Variants in RARS1 observed in about 807,000 individuals in gnomAD.
RARS1 encodes arginyl-tRNA synthetase 1.
Under a neutral mutation model 78.7 loss-of-function variants are expected in RARS1, and 75 were observed. That is an observed-to-expected ratio of 0.95 (90% CI 0.79 to 1.15). RARS1 has a LOEUF of 1.15. Among genes scored for constraint, RARS1 ranks in the 50% most tolerant of loss-of-function variants. The pLI is 0.00. For synonymous variants in RARS1, 273 were observed against 268.2 expected, an observed-to-expected ratio of 1.02 and a Z score of -0.18; for missense variants, 787 against 787.5, an observed-to-expected ratio of 1.00 and a Z score of 0.01.
rs116570152 is a variant in RARS1 at position 168,508,291 on chromosome 5, T to G, written c.1346+1460T>G. ...TTTTCTGCACTCAGCAGCATGTAGT[T>G]ATAGTATCCTATCCCACCCGCCTTT... On this transcript the variant is annotated intron_variant, in intron 11 of 14. Coordinates refer to ENST00000231572, the MANE Select transcript of RARS1 (RefSeq NM_002887.4). Among the ~76,000 whole-genome samples the G allele has an allele frequency of 5.1e-3, 778 of 152,144 alleles. 8 individuals are homozygous for G. The highest frequency in any genetic ancestry group is 0.018 in the African/African-American group (736 of 41,530).
chr5:168,500,618 G>A lies in RARS1; in HGVS notation c.850G>A (p.Glu284Lys), dbSNP rs377368975. The change falls in exon 8 of 15, where the codon GAG (glutamate) becomes AAG (lysine). Residue 284 changes from glutamate (E) to lysine (K), a missense_variant. Coordinates refer to ENST00000231572, the MANE Select transcript of RARS1 (RefSeq NM_002887.4). ...ATCTAAGAAGAGGTTTGATACTGAG[G>A]AGGAATTTAAGAAGCGAGCATATCA... ...KESKKRFDTEEEFKKRAYQCV... is the reference protein window; with the variant it reads ...KESKKRFDTEKEFKKRAYQCV... 9.4e-6 allele frequency: 15 copies of A among 1,591,540 alleles called. No individual in the cohort carries two copies. The highest frequency in any genetic ancestry group is 1.4e-5 in the African/African-American group (1 of 73,494).
In RARS1 at chr5:168,519,065, T is replaced by A; in HGVS notation, c.1874-16T>A. On this transcript the variant is annotated splice_polypyrimidine_tract_variant and intron_variant, in intron 14 of 14. Transcript: ENST00000231572. ...AGGAAAACAAGTTAATTAACAACTT[T>A]TTTCTATCTTTTCAGGAAAAATATT... is the stretch of plus-strand genomic sequence containing the variant. The A allele has an allele frequency of 6.3e-7, 1 of 1,590,890 alleles. No individual in the cohort carries two copies. Among genetic ancestry groups the A allele is most frequent in the East Asian group, 2.2e-5 (1 of 44,642 alleles).
chr5:168,513,653 A>G (rs922043406), intron 12 of RARS1, among the ~76,000 whole-genome samples: 15 of 152,128 alleles, frequency 9.9e-5, no homozygotes, highest in African/African-American at 3.6e-4. Flanking sequence ...GGTCATCTAG[A>G]TAATCTTCTC....
chr5:168,492,998 G>A (rs952411303), intron 3 of RARS1, 151 bp downstream of exon 3: 52 of 729,578 alleles, frequency 7.1e-5, no homozygotes, highest in Non-Finnish European at 9.0e-5. Flanking sequence ...AGTTGGGGGG[G>A]TATATGTTTT....
Position 168,516,655 on chromosome 5 carries a change from T to G in RARS1, c.1453-123T>G. 3.4e-6 allele frequency: 3 copies of G among 890,886 alleles called. No homozygotes were observed. In the East Asian group the frequency reaches 7.4e-5, roughly 22 times the overall value. The allele number at this position is 890,886 out of a possible 1,614,324, so 55.2% of individuals were successfully genotyped here. A position where few individuals can be genotyped will look rare whatever the true frequency, so the allele number is the denominator to read the frequency against. ...GTCCTTCTGCCTCAGTGTCAGTGTT[T>G]ATTAAAGTTTATTGGTAAAAGAATA... On this transcript the variant is annotated intron_variant, in intron 12 of 14. Transcript: ENST00000231572.
At chr5:168,494,326 T>TG in intron 4 of RARS1, 2 of 985,366 alleles carry the variant, frequency 2.0e-6, no homozygotes, top group Non-Finnish European at 2.4e-6. Context: ...TTGCTGAAAG[T>TG]GAAAGGGCCC....
chr5:168,497,413 T>C (rs1758220181), intron 7 of RARS1, 65 bp downstream of exon 7: 23 of 1,310,282 alleles, frequency 1.8e-5, no homozygotes, highest in Non-Finnish European at 2.3e-5. Flanking sequence ...CCATTTTCCT[T>C]AGGAAACTTA....
At chr5:168,488,493 C>T in intron 1 of RARS1, 109 bp from the exon 2 acceptor site, 1 of 1,197,632 alleles carries the variant, frequency 8.3e-7, no homozygotes, top group Non-Finnish European at 1.2e-6. Context: ...AGAAACACAG[C>T]TCATCAAAGG....
intron 11 of RARS1, among the ~76,000 whole-genome samples, chr5:168,509,589 G>T (rs986316559): frequency 2.0e-5 from 3 of 151,728 alleles, no homozygotes; most frequent in African/African-American, 7.3e-5. Context: ...TGCCATATCC[G>T]TAGTGATTCT....
chr5:168,518,050 G>A lies in RARS1; in HGVS notation c.1861G>A (p.Asp621Asn). The part of the protein sequence containing the change: ...FYDSCYCVEK[D>N]RQTGKILKVN... ...TGATAGCTGCTACTGTGTGGAGAAA[G>A]ATAGACAGACTGGTGAGTGTCTTTT... Residue 621 changes from aspartate (D) to asparagine (N), a missense_variant, in exon 14 of 15, where the codon GAT (aspartate) becomes AAT (asparagine). Asp to Asn is a conservative substitution (Grantham distance 23). Transcript: ENST00000231572. 1.2e-6 allele frequency: 1 copy of A among 841,900 alleles called. No homozygotes were observed. The highest frequency in any genetic ancestry group is 4.7e-5 in the East Asian group (1 of 21,420). 52.2% of individuals were successfully genotyped at this position (841,900 alleles called of 1,614,324 possible).
intron 9 of RARS1, among the ~76,000 whole-genome samples, chr5:168,503,068 T>A (rs1185016953): frequency 6.6e-6 from 1 of 152,258 alleles, no homozygotes; most frequent in Admixed American, 6.5e-5. Context: ...TATGTTTTAT[T>A]CCTTTTTTTG....
chr5:168,504,519 C>T (rs1758396246), intron 9 of RARS1, among the ~76,000 whole-genome samples: 2 of 122,738 alleles, frequency 1.6e-5, no homozygotes, highest in Non-Finnish European at 3.4e-5. Flanking sequence ...AAGATTCTGT[C>T]TCAAAAAAAA....
chr5:168,512,510 GAACT>G (rs1377544071), intron 12 of RARS1, among the ~76,000 whole-genome samples: 2 of 152,134 alleles, frequency 1.3e-5, no homozygotes, highest in Non-Finnish European at 2.9e-5. Flanking sequence ...TAGAGGGACA[GAACT>G]AATAGGATAG....
intron 10 of RARS1, 136 bp from the exon 11 acceptor site, chr5:168,506,586 G>T (rs1387740727): frequency 1.6e-5 from 10 of 639,940 alleles, no homozygotes; most frequent in Non-Finnish European, 2.7e-5. Flanking sequence ...AAAAGAAGAG[G>T]TTTTATAATA....
At position 168,497,238 on chromosome 5, in the gene RARS1, G is replaced by A. The variant is rs1299569353; in HGVS notation, c.712G>A (p.Val238Ile). The A allele has an allele frequency of 6.4e-7, 1 of 1,560,276 alleles. No individual in the cohort carries two copies. The highest frequency in any genetic ancestry group is 8.7e-7 in the Non-Finnish European group (1 of 1,151,698). Residue 238 changes from valine (V) to isoleucine (I), a missense_variant, in exon 7 of 15, where the codon GTA (valine) becomes ATA (isoleucine). Transcript: ENST00000231572. ...AGYDVLRLNH[V>I]GDWGTQFGML... ...TCTGATTGGTGTTAGGTTAAATCAT[G>A]TAGGAGACTGGGGGACCCAGTTTGG...
intron 11 of RARS1, among the ~76,000 whole-genome samples, chr5:168,507,877 C>CA (rs1195791208): frequency 0.057 from 5,508 of 97,074 alleles, 301 homozygotes; most frequent in African/African-American, 0.18. Flanking sequence ...CCATATCTGC[C>CA]AAAAAAAAAA....
At chr5:168,493,633 CAAAAAAAAA>C (rs35001933) in intron 3 of RARS1, among the ~76,000 whole-genome samples, 1 of 78,242 alleles carries the variant, frequency 1.3e-5, no homozygotes, top group Non-Finnish European at 2.5e-5. Context: ...GACTCCATCT[CAAAAAAAAA>C]AAAAAAAAAA....
In RARS1 at chr5:168,495,378, A is replaced by T. The variant is rs756582430; in HGVS notation, c.643A>T (p.Thr215Ser). 1 of 1,614,076 alleles carries T rather than the reference A, an allele frequency of 6.2e-7. No individual in the cohort carries two copies. ...KEMHVGHLRS[T>S]IIGESISRLF... ...GATGCATGTAGGCCACCTGAGGTCA[A>T]CTATCATAGGAGAGAGTATAAGCCG... is the stretch of plus-strand genomic sequence containing the variant. Residue 215 changes from threonine (T) to serine (S), a missense_variant, in exon 6 of 15, where the codon ACT becomes TCT. Coordinates refer to ENST00000231572, the MANE Select transcript of RARS1 (RefSeq NM_002887.4).
intron 7 of RARS1, among the ~76,000 whole-genome samples, chr5:168,499,708 TA>T (rs11345301): frequency 0.13 from 19,926 of 148,134 alleles, 1,731 homozygotes; most frequent in Non-Finnish European, 0.2. Context: ...CAAACCACAG[TA>T]AAAAAAAAAG....
Sources: allele counts gnomAD v4.1 joint callset (sites outside exome capture counted in the v4.1 genomes callset), GRCh38; gene constraint gnomAD v4.1.1; transcripts MANE v1.5; gene names NCBI Gene and HGNC (gene_info 2026-07-23, HGNC 2026-07-21).